Variants in ARHGAP17 observed in about 807,000 individuals in gnomAD.
ARHGAP17 encodes the protein Rho GTPase activating protein 17.
In ARHGAP17, 57 loss-of-function variants were observed where a neutral mutation model predicts 99.5. That is an observed-to-expected ratio of 0.57 (90% CI 0.46 to 0.71). ARHGAP17 has a LOEUF of 0.71. Ranked by LOEUF, ARHGAP17 falls within the 30% of genes least tolerant of loss-of-function variation. ARHGAP17 has a pLI of 0.00. For synonymous variants in ARHGAP17, 417 were observed against 429.6 expected (o/e 0.97, Z 0.36); for missense variants, 1,000 against 1,122.4 (o/e 0.89, Z 1.56).
At chr16:24,944,761 C>T (rs955530560) in intron 14 of ARHGAP17, among the ~76,000 whole-genome samples, 13 of 152,020 alleles carry the variant, frequency 8.6e-5, no homozygotes, top group Non-Finnish European at 1.6e-4. Flanking sequence ...GGACTACAGG[C>T]ACCTGCCACC....
Position 24,991,521 on chromosome 16 carries a change from C to T in ARHGAP17, c.54-12516G>A, listed in dbSNP as rs72483412. On this transcript the variant is annotated intron_variant, in intron 1 of 19. Transcript: ENST00000289968. ...GAGTTAGAGCAGGAGTAGCGCAGGACGTTCAATTAAAACAAAGGGTTGGTT... is the reference window on the plus strand; with the variant it reads ...GAGTTAGAGCAGGAGTAGCGCAGGATGTTCAATTAAAACAAAGGGTTGGTT... Among the ~76,000 whole-genome samples the T allele has an allele frequency of 1.6e-4, 25 of 151,804 alleles. No individual in the cohort carries two copies. In the East Asian group the frequency reaches 2.7e-3, roughly 16 times the overall value.
intron 19 of ARHGAP17, among the ~76,000 whole-genome samples, chr16:24,921,991 T>C (rs563285243): frequency 9.2e-5 from 14 of 152,320 alleles, no homozygotes; most frequent in Non-Finnish European, 1.6e-4. Flanking sequence ...GACCGGCAAA[T>C]AGCAGATGTT....
At chr16:25,012,122 G>A (rs751348839) in intron 1 of ARHGAP17, among the ~76,000 whole-genome samples, 1 of 152,028 alleles carries the variant, frequency 6.6e-6, no homozygotes, top group Non-Finnish European at 1.5e-5. Context: ...CACAGTGTAG[G>A]CTCAACAAGT....
chr16:24,971,903 G>A (rs147749252), intron 3 of ARHGAP17, among the ~76,000 whole-genome samples: 181 of 152,284 alleles, frequency 1.2e-3, no homozygotes, highest in African/African-American at 3.5e-3. Context: ...CTGATGGCCC[G>A]GGCCTCTGTT....
In ARHGAP17 at chr16:24,939,462, G is replaced by T; in HGVS notation, c.1626C>A (p.Pro542=). 1 of 1,611,418 alleles carries T rather than the reference G, an allele frequency of 6.2e-7. No individual in the cohort carries two copies. The change falls in exon 17 of 20, where the codon CCC becomes CCA. Residue 542 remains proline (P), a synonymous_variant. Coordinates refer to ENST00000289968, the MANE Select transcript of ARHGAP17 (RefSeq NM_001006634.3). The part of the protein sequence containing the change: ...GSTVVPAGPE[P]PPQSSRAESS... ...TTTCAGCCCTAGAGCTCTGGGGAGG[G>T]GGCTCTGGGCCAGCGGGCACCACGG...
At chr16:24,991,498 GT>G (rs2053040733) in intron 1 of ARHGAP17, among the ~76,000 whole-genome samples, 1 of 152,208 alleles carries the variant, frequency 6.6e-6, no homozygotes, top group Admixed American at 6.5e-5. Context: ...GCTAGTCAGA[GT>G]TAGAGCAGGA....
chr16:24,930,741 T>C (rs759449497), intron 19 of ARHGAP17, 43 bp downstream of exon 19: 27 of 1,614,052 alleles, frequency 1.7e-5, no homozygotes, highest in Non-Finnish European at 2.2e-5. Flanking sequence ...ACAAAAGCAA[T>C]GTAGAGCAGA....
At chr16:24,975,108 G>A (rs997855911) in intron 3 of ARHGAP17, among the ~76,000 whole-genome samples, 5 of 152,202 alleles carry the variant, frequency 3.3e-5, no homozygotes, top group African/African-American at 7.2e-5. Context: ...GGCCGGGATC[G>A]TGCCACTACA....
intron 19 of ARHGAP17, 94 bp downstream of exon 19, chr16:24,930,690 G>A: frequency 1.2e-6 from 2 of 1,609,468 alleles, no homozygotes; most frequent in Non-Finnish European, 1.7e-6. Flanking sequence ...GTAGTTTGCT[G>A]ACACCTGGCA....
intron 11 of ARHGAP17, among the ~76,000 whole-genome samples, chr16:24,952,663 A>G (rs929694645): frequency 6.6e-6 from 1 of 152,242 alleles, no homozygotes; most frequent in Non-Finnish European, 1.5e-5. Flanking sequence ...ACTGTGAAAG[A>G]TGGGAAGAAA....
chr16:25,008,956 G>C (rs1245276750), intron 1 of ARHGAP17, among the ~76,000 whole-genome samples: 1 of 151,838 alleles, frequency 6.6e-6, no homozygotes, highest in Non-Finnish European at 1.5e-5. Context: ...CTGCTGCAAC[G>C]ACAAGAGGAC....
chr16:24,939,548 G>C lies in ARHGAP17; in HGVS notation c.1540C>G (p.Leu514Val). The change falls in exon 17 of 20, where the codon CTA (leucine) becomes GTA (valine). Residue 514 changes from leucine (L) to valine (V), a missense_variant. Around this residue, in one of 2 missense-constraint regions of ARHGAP17, gnomAD observed 528 missense variants for 511.4 expected, o/e 1.03. Transcript: ENST00000289968. ...DFQAHRRGGT[L>V]NRKHISPAFQ... ...GCGGGGGATATGTGCTTTCTATTTA[G>C]AGTGCCACCCCGCCGGTGGGCCTGG... 1 of 1,607,846 alleles carries C rather than the reference G, an allele frequency of 6.2e-7. No individual in the cohort carries two copies. Among genetic ancestry groups the C allele is most frequent in the Non-Finnish European group, 8.5e-7 (1 of 1,177,896 alleles).
At position 24,931,004 on chromosome 16, in the gene ARHGAP17, G is replaced by A; in HGVS notation, c.2295C>T (p.Pro765=). The A allele has an allele frequency of 1.9e-6, 3 of 1,613,770 alleles. No homozygotes were observed. Among genetic ancestry groups the A allele is most frequent in the Non-Finnish European group, 2.5e-6 (3 of 1,179,888 alleles). ...GCAGACTGGGGTTCTGTTTTCCTAG[G>A]GGCGGAGTACTGGGGGGCGTTGGAG... ...PQTPTPPSTP[P]LGKQNPSLPA... Residue 765 remains proline, a synonymous_variant, in exon 19 of 20, where the codon CCC becomes CCT. Coordinates refer to ENST00000289968, the MANE Select transcript of ARHGAP17 (RefSeq NM_001006634.3).
intron 1 of ARHGAP17, among the ~76,000 whole-genome samples, chr16:24,980,094 C>T (rs940007943): frequency 4.6e-5 from 7 of 152,258 alleles, no homozygotes; most frequent in Non-Finnish European, 7.4e-5. Flanking sequence ...GTCAATGAAC[C>T]GGAAATTCAG....
Position 24,955,006 on chromosome 16 carries a change from C to T in ARHGAP17, c.725-276G>A. 2 of 396,334 alleles carry T rather than the reference C, an allele frequency of 5.0e-6. No individual in the cohort carries two copies. The highest frequency in any genetic ancestry group is 5.0e-5 in the East Asian group (1 of 20,178). The allele number at this position is 396,334 out of a possible 1,614,324, so 24.6% of individuals were successfully genotyped here. On this transcript the variant is annotated intron_variant, in intron 9 of 19. Transcript: ENST00000289968. The surrounding 1 kb of genome is among the most constrained non-coding windows in gnomAD (Gnocchi z 4.0). ...AAGCTGCAGTGGCACGCTGCACCTGCACCACACTTCATCAACACACGCCAG... is the reference window on the plus strand; with the variant it reads ...AAGCTGCAGTGGCACGCTGCACCTGTACCACACTTCATCAACACACGCCAG...
chr16:24,997,769 T>C (rs1353979733), intron 1 of ARHGAP17, among the ~76,000 whole-genome samples: 1 of 152,012 alleles, frequency 6.6e-6, no homozygotes, highest in Non-Finnish European at 1.5e-5. Flanking sequence ...ACAATGTGTG[T>C]TTTTCCTCAC....
chr16:25,014,347 C>A (rs2053724717), intron 1 of ARHGAP17, among the ~76,000 whole-genome samples: 1 of 152,224 alleles, frequency 6.6e-6, no homozygotes, highest in Non-Finnish European at 1.5e-5. Flanking sequence ...TAATACAGCA[C>A]ATGACAGTCA....
At chr16:25,001,693 T>G (rs2053363804) in intron 1 of ARHGAP17, among the ~76,000 whole-genome samples, 1 of 152,112 alleles carries the variant, frequency 6.6e-6, no homozygotes, top group South Asian at 2.1e-4. Flanking sequence ...GTGCTGGGAT[T>G]ACAGGCGTGA....
intron 3 of ARHGAP17, among the ~76,000 whole-genome samples, chr16:24,975,275 T>C (rs2052481219): frequency 6.6e-6 from 1 of 152,156 alleles, no homozygotes; most frequent in Non-Finnish European, 1.5e-5. Flanking sequence ...AGAATAGACA[T>C]CTAAGAGAGG....
Sources: gnomAD v4.1 joint callset for allele counts (sites outside exome capture counted in the v4.1 genomes callset) on GRCh38, gnomAD v4.1.1 for gene constraint, gnomAD v4.1.1 regional missense constraint, Gnocchi (gnomAD v3.1) non-coding constraint, MANE v1.5 for transcripts, NCBI Gene and HGNC (gene_info 2026-07-23, HGNC 2026-07-21) for gene names.